DOT1L: variants seen among roughly 807,000 people sequenced by gnomAD.
DOT1L encodes DOT1 like histone lysine methyltransferase.
Under a neutral mutation model 153.3 loss-of-function variants are expected in DOT1L, and 33 were observed. That is an observed-to-expected ratio of 0.22 (90% CI 0.16 to 0.29). The LOEUF is 0.29. Ranked by LOEUF, DOT1L falls within the 10% of genes least tolerant of loss-of-function variation. The pLI is 1.00. For synonymous variants in DOT1L, 1,135 were observed against 965.1 expected (o/e 1.18, Z -3.26); for missense variants, 1,847 against 2,119.9 (o/e 0.87, Z 2.53).
At chr19:2,192,823 G>T (rs2022853563) in intron 5 of DOT1L, among the ~76,000 whole-genome samples, 1 of 152,318 alleles carries the variant, frequency 6.6e-6, no homozygotes, top group Non-Finnish European at 1.5e-5. Flanking sequence ...CTGCAGTCCA[G>T]CCTGGGTGAC....
chr19:2,227,060 T>C lies in DOT1L; in HGVS notation c.4539T>C (p.Ala1513=). The C allele has an allele frequency of 6.4e-7, 1 of 1,573,914 alleles. No homozygotes were observed. The highest frequency in any genetic ancestry group is 8.6e-7 in the Non-Finnish European group (1 of 1,165,358). The change falls in exon 27 of 28, where the codon GCT becomes GCC. Residue 1513 remains alanine (A), a synonymous_variant. Transcript: ENST00000398665. ...CAGGCCTGGTGCACGTGTCGTCCGCTGCCACCAGACTGACCAACTCGCACG... is the reference window on the plus strand; with the variant it reads ...CAGGCCTGGTGCACGTGTCGTCCGCCGCCACCAGACTGACCAACTCGCACG... The part of the protein sequence containing the change: ...AAAGLVHVSS[A]ATRLTNSHAM...
rs145245413 is a variant in DOT1L at position 2,227,562 on chromosome 19, CCGGAGGG to C, written c.4606+446_4606+452del. 2.1e-3 allele frequency: 1,469 copies of C among 698,366 alleles called. 16 individuals carry two copies. The African/African-American group carries it at 0.026, about 13-fold the overall frequency. The allele number at this position is 698,366 out of a possible 1,614,324, so 43.3% of individuals were successfully genotyped here. On this transcript the variant is annotated intron_variant, in intron 27 of 27. Transcript: ENST00000398665. ...CCTGGGGCTGCTGCGGGGCGGGGGG[CCGGAGGG>C]CGGAGGGCGGGCCACCACGAGCCTG...
chr19:2,166,077 ATATGTTATGT>A (rs369384556), intron 1 of DOT1L, among the ~76,000 whole-genome samples: 553 of 146,410 alleles, frequency 3.8e-3, no homozygotes, highest in African/African-American at 0.013. Context: ...GCCCACATTT[ATATGTTATGT>A]TATGTTATGT....
chr19:2,197,523 CATCTT>C lies in DOT1L; in HGVS notation c.652-2360_652-2356del. 6.6e-6 allele frequency among the ~76,000 whole-genome samples: 1 copy of C among 152,308 alleles called. No individual in the cohort carries two copies. Among genetic ancestry groups the C allele is most frequent in the East Asian group, 1.9e-4 (1 of 5,180 alleles). On this transcript the variant is annotated intron_variant, in intron 7 of 27. Coordinates refer to ENST00000398665, the MANE Select transcript of DOT1L (RefSeq NM_032482.3). The surrounding 1 kb of genome is among the most constrained non-coding windows in gnomAD (Gnocchi z 4.1). ...CGCAGCACTGCTCCCCCTTCTGCCTCATCTTGTCAGCGTCTGGGTCAGCACCCTGC... is the reference window on the plus strand; with the variant it reads ...CGCAGCACTGCTCCCCCTTCTGCCTCGTCAGCGTCTGGGTCAGCACCCTGC...
At chr19:2,214,103 C>G in intron 18 of DOT1L, 117 bp downstream of exon 18, 1 of 1,447,882 alleles carries the variant, frequency 6.9e-7, no homozygotes, top group African/African-American at 1.4e-5. Context: ...GGGGTTTGTT[C>G]CCAGACGAAT....
At position 2,230,517 on chromosome 19, in the gene DOT1L, T is replaced by C. The variant is rs560997959; in HGVS notation, c.*725T>C. On this transcript the variant is annotated 3_prime_UTR_variant, in exon 28 of 28. Coordinates refer to ENST00000398665, the MANE Select transcript of DOT1L (RefSeq NM_032482.3). ...TGCTGTGAGGACGGCGCGGGCACGT[T>C]GAACAAGTGCATTTACTTTTGTATT... 9.1e-4 allele frequency: 364 copies of C among 398,778 alleles called. 1 individual carries two copies. Among genetic ancestry groups the C allele is most frequent in the African/African-American group, 6.8e-3 (331 of 48,776 alleles). The allele number at this position is 398,778 out of a possible 1,614,324, so 24.7% of individuals were successfully genotyped here. A position where few individuals can be genotyped will look rare whatever the true frequency, so the allele number is the denominator to read the frequency against.
chr19:2,226,950 G>A lies in DOT1L; in HGVS notation c.4429G>A (p.Gly1477Ser), dbSNP rs761655164. The A allele has an allele frequency of 3.2e-6, 5 of 1,586,656 alleles. No individual in the cohort carries two copies. Among genetic ancestry groups the A allele is most frequent in the South Asian group, 1.1e-5 (1 of 89,338 alleles). The change falls in exon 27 of 28, where the codon GGC becomes AGC. Residue 1477 changes from glycine (G) to serine (S), a missense_variant. Physicochemically the swap from Gly to Ser is moderately conservative, Grantham distance 56. Around this residue, in one of 8 missense-constraint regions of DOT1L, gnomAD observed 934 missense variants for 825.3 expected, o/e 1.13. Coordinates refer to ENST00000398665, the MANE Select transcript of DOT1L (RefSeq NM_032482.3). ...CCCGCCGGGACCGCAGTTCGCGCTC[G>A]GCCCCATGTCCCTGCAGGCCAACCT... ...PFPPGPQFAL[G>S]PMSLQANLGS...
At chr19:2,228,437 T>C (rs2024460673) in intron 27 of DOT1L, 1 of 1,230,706 alleles carries the variant, frequency 8.1e-7, no homozygotes, top group Admixed American at 2.9e-5. Flanking sequence ...TGTCCTTCCT[T>C]TGGCAGAGAA....
At chr19:2,179,693 G>A (rs1463519210) in intron 1 of DOT1L, among the ~76,000 whole-genome samples, 1 of 152,134 alleles carries the variant, frequency 6.6e-6, no homozygotes, top group Non-Finnish European at 1.5e-5. Context: ...AGTAATCCCA[G>A]CTACTCGGGA....
At chr19:2,206,191 G>A (rs2023483368) in intron 9 of DOT1L, among the ~76,000 whole-genome samples, 1 of 151,964 alleles carries the variant, frequency 6.6e-6, no homozygotes, top group African/African-American at 2.4e-5. Flanking sequence ...GTAGAGACAC[G>A]GTTTTACCCT....
intron 2 of DOT1L, 112 bp downstream of exon 2, chr19:2,180,868 G>C: frequency 7.6e-7 from 1 of 1,308,302 alleles, no homozygotes; most frequent in Non-Finnish European, 1.1e-6. Flanking sequence ...TGGACTCCTG[G>C]AGGTGTTGTG....
chr19:2,196,268 C>G (rs1472016766), intron 7 of DOT1L, among the ~76,000 whole-genome samples: 1 of 152,268 alleles, frequency 6.6e-6, no homozygotes, highest in Non-Finnish European at 1.5e-5. Context: ...CTTGGGCGTC[C>G]TGGCTGTGGT....
Position 2,222,345 on chromosome 19 carries a change from C to T in DOT1L, c.3176C>T (p.Ser1059Leu), listed in dbSNP as rs781151846. The T allele has an allele frequency of 1.6e-5, 26 of 1,612,500 alleles. No individual in the cohort carries two copies. Among genetic ancestry groups the T allele is most frequent in the South Asian group, 5.5e-5 (5 of 91,054 alleles). The change falls in exon 24 of 28, where the codon TCG becomes TTG. Residue 1059 changes from serine to leucine, a missense_variant. Around this residue, in one of 8 missense-constraint regions of DOT1L, gnomAD observed 934 missense variants for 825.3 expected, o/e 1.13. Coordinates refer to ENST00000398665, the MANE Select transcript of DOT1L (RefSeq NM_032482.3). The surrounding 1 kb of genome is among the most constrained non-coding windows in gnomAD (Gnocchi z 6.5). Reference protein sequence around the residue: ...ITTGAGSAKQSPSSKHSPLTA... With the variant: ...ITTGAGSAKQLPSSKHSPLTA... ...ACTGGTGCGGGCAGTGCCAAGCAGTCGCCCTCCAGCAAGCACAGCCCCCTG... is the reference window on the plus strand; with the variant it reads ...ACTGGTGCGGGCAGTGCCAAGCAGTTGCCCTCCAGCAAGCACAGCCCCCTG...
rs761030334 is a variant in DOT1L, at chr19:2,193,006, G to T, written c.494-683G>T. On this transcript the variant is annotated intron_variant, in intron 5 of 27. Transcript: ENST00000398665. The surrounding 1 kb of genome is among the most constrained non-coding windows in gnomAD (Gnocchi z 5.9). ...TGTGGTCGCTCCATGGTTCATGCCC[G>T]TTCCCTGGAGCACAGAGCTGCCTAG... is the stretch of plus-strand genomic sequence containing the variant. 5.9e-5 allele frequency among the ~76,000 whole-genome samples: 9 copies of T among 152,192 alleles called. No homozygotes were observed. Among genetic ancestry groups the T allele is most frequent in the African/African-American group, 2.2e-4 (9 of 41,434 alleles).
Position 2,209,081 on chromosome 19 carries a change from G to A in DOT1L, c.1005+105G>A. ...GTTCAGGAGCCACGACTGGAGCACA[G>A]CCCTGCCGCCCCTCGGGGCCCGGCC... is the stretch of plus-strand genomic sequence containing the variant. On this transcript the variant is annotated intron_variant, in intron 12 of 27. Transcript: ENST00000398665. The A allele has an allele frequency of 6.1e-6, 8 of 1,313,774 alleles. 1 individual carries two copies. The highest frequency in any genetic ancestry group is 2.7e-5 in the South Asian group (2 of 73,468). 81.4% of individuals were successfully genotyped at this position (1,313,774 alleles called of 1,614,324 possible).
At position 2,210,855 on chromosome 19, in the gene DOT1L, G is replaced by A. The variant is rs1465767779; in HGVS notation, c.1351G>A (p.Asp451Asn). 6.2e-7 allele frequency: 1 copy of A among 1,611,460 alleles called. No homozygotes were observed. Among genetic ancestry groups the A allele is most frequent in the South Asian group, 1.1e-5 (1 of 91,030 alleles). Residue 451 changes from aspartate (D) to asparagine (N), a missense_variant and splice_region_variant, in exon 14 of 28, where the codon GAT becomes AAT. By Grantham distance (23) the Asp-to-Asn change is conservative. Coordinates refer to ENST00000398665, the MANE Select transcript of DOT1L (RefSeq NM_032482.3). ...TCAGACGGCGGCCTCCTCACCCCAG[G>A]GTGAGCCGCCCCCACGCCACGGCCC... ...VSQTAASSPQ[D>N]AYRSPHSPFY...
chr19:2,213,677 TG>T, intron 17 of DOT1L, 37 bp downstream of exon 17: 1 of 1,611,670 alleles, frequency 6.2e-7, no homozygotes, highest in Non-Finnish European at 8.5e-7. Context: ...AGGTGGCAGC[TG>T]GGGCGCAGGC....
At chr19:2,205,615 T>G (rs1429351454) in intron 9 of DOT1L, among the ~76,000 whole-genome samples, 1 of 152,222 alleles carries the variant, frequency 6.6e-6, no homozygotes, top group African/African-American at 2.4e-5. Context: ...CTGTTTCCAG[T>G]TTGCATCTAC....
intron 1 of DOT1L, among the ~76,000 whole-genome samples, chr19:2,166,787 G>A (rs147558229): frequency 3.3e-5 from 5 of 152,252 alleles, no homozygotes; most frequent in Middle Eastern, 3.4e-3. Context: ...AGTTCTATAC[G>A]TTTTGACAAA....
Sources: gnomAD v4.1 joint callset for allele counts (sites outside exome capture counted in the v4.1 genomes callset) on GRCh38, gnomAD v4.1.1 for gene constraint, gnomAD v4.1.1 regional missense constraint, Gnocchi (gnomAD v3.1) non-coding constraint, MANE v1.5 for transcripts, NCBI Gene and HGNC (gene_info 2026-07-23, HGNC 2026-07-21) for gene names.